The following RGS6 variants were observed in gnomAD, a reference collection of about 807,000 sequenced individuals.
RGS6 encodes the protein regulator of G-protein signaling 6.
Under a neutral mutation model 78.5 loss-of-function variants are expected in RGS6, and 30 were observed. That is an observed-to-expected ratio of 0.38 (90% CI 0.29 to 0.52). The LOEUF is 0.52. Ranked by LOEUF, RGS6 falls within the 20% of genes least tolerant of loss-of-function variation. The pLI is 0.85. For missense variants in RGS6, 495 were observed against 609.7 expected (o/e 0.81, Z 1.98); for synonymous variants, 206 against 206.0 (o/e 1.00, Z 0.00).
At chr14:72,301,721 A>G (rs1595530686) in intron 2 of RGS6, among the ~76,000 whole-genome samples, 1 of 152,088 alleles carries the variant, frequency 6.6e-6, no homozygotes, top group Admixed American at 6.5e-5. Flanking sequence ...TCCTTAGCAT[A>G]TGTTGTTGGC....
rs867252230 is a variant in RGS6, at chr14:71,982,174, G to T, written c.84+17299G>T. Among the ~76,000 whole-genome samples, 42 of 152,264 alleles carry T rather than the reference G, an allele frequency of 2.8e-4. 2 individuals carry two copies. The highest frequency in any genetic ancestry group is 9.4e-4 in the African/African-American group (39 of 41,582). ...GCATGGTGCGTGCACCCACTGACCT[G>T]CGCCCAGTGTCTGGCACTCCCTAGT... On this transcript the variant is annotated intron_variant, in intron 2 of 17. Coordinates refer to ENST00000553525, the MANE Select transcript of RGS6 (RefSeq NM_001204424.2).
At chr14:72,282,766 G>T (rs1394868890) in intron 2 of RGS6, among the ~76,000 whole-genome samples, 1 of 152,056 alleles carries the variant, frequency 6.6e-6, no homozygotes, top group Non-Finnish European at 1.5e-5. Context: ...GTTTTTGTTT[G>T]TTTGTGTGGT....
intron 2 of RGS6, among the ~76,000 whole-genome samples, chr14:72,022,802 T>C (rs2088976485): frequency 6.6e-6 from 1 of 152,234 alleles, no homozygotes; most frequent in Non-Finnish European, 1.5e-5. Flanking sequence ...CTTTCATGCC[T>C]GGACCGTACT....
At chr14:72,133,914 T>C (rs965737826) in intron 2 of RGS6, among the ~76,000 whole-genome samples, 2 of 152,178 alleles carry the variant, frequency 1.3e-5, no homozygotes, top group African/African-American at 2.4e-5. Flanking sequence ...AGTAATGTTA[T>C]GGTCTAGACT....
chr14:72,021,510 C>G (rs2088532357), intron 2 of RGS6, among the ~76,000 whole-genome samples: 1 of 144,886 alleles, frequency 6.9e-6, no homozygotes, highest in South Asian at 2.2e-4. Context: ...CTCTTGTCAC[C>G]TGGGCTGGAG....
chr14:71,952,958 G>T (rs2092465622), intron 1 of RGS6, among the ~76,000 whole-genome samples: 2 of 152,274 alleles, frequency 1.3e-5, no homozygotes, highest in South Asian at 4.1e-4. Context: ...TCCACTTCTT[G>T]TGTATAAAAA....
chr14:72,545,909 C>T (rs2097392227), intron 17 of RGS6, among the ~76,000 whole-genome samples: 1 of 151,766 alleles, frequency 6.6e-6, no homozygotes, highest in Non-Finnish European at 1.5e-5. Context: ...GGATGCCCAG[C>T]TGTGTGTGTG....
chr14:71,893,111 C>A, the RGS6 span, among the ~76,000 whole-genome samples: 1 of 152,176 alleles, frequency 6.6e-6, no homozygotes, highest in African/African-American at 2.4e-5. Flanking sequence ...TATTTATGTA[C>A]TCTAATCAGG....
At chr14:71,917,189 C>G in the RGS6 span, among the ~76,000 whole-genome samples, 1 of 152,126 alleles carries the variant, frequency 6.6e-6, no homozygotes, top group Non-Finnish European at 1.5e-5. Flanking sequence ...TGGCAATGAT[C>G]TTAGATACTT....
At chr14:72,029,330 C>T (rs183902788) in intron 2 of RGS6, among the ~76,000 whole-genome samples, 8 of 152,286 alleles carry the variant, frequency 5.3e-5, no homozygotes, top group Admixed American at 4.6e-4. Context: ...TGTCATTTGG[C>T]CACATAAGAA....
At chr14:72,137,761 C>T (rs2096468063) in intron 2 of RGS6, among the ~76,000 whole-genome samples, 1 of 152,202 alleles carries the variant, frequency 6.6e-6, no homozygotes, top group South Asian at 2.1e-4. Context: ...CCTTTGGGCA[C>T]ATGGATGACA....
At chr14:72,376,005 G>A in intron 3 of RGS6, among the ~76,000 whole-genome samples, 1 of 151,996 alleles carries the variant, frequency 6.6e-6, no homozygotes, top group Non-Finnish European at 1.5e-5. Flanking sequence ...TAATTCCCTA[G>A]TAATAAACCC....
chr14:71,891,781 A>G, the RGS6 span, among the ~76,000 whole-genome samples: 2 of 152,172 alleles, frequency 1.3e-5, no homozygotes, highest in African/African-American at 4.8e-5. Context: ...CTCTGTTAGT[A>G]TCTGGATATC....
At chr14:71,957,745 C>T (rs2092899756) in intron 1 of RGS6, among the ~76,000 whole-genome samples, 1 of 152,050 alleles carries the variant, frequency 6.6e-6, no homozygotes, top group Non-Finnish European at 1.5e-5. Flanking sequence ...GAAACTTTAA[C>T]AGATGGAATG....
At position 72,368,201 on chromosome 14, in the gene RGS6, T is replaced by C. The variant is rs111573460; in HGVS notation, c.184+16007T>C. Among the ~76,000 whole-genome samples the C allele has an allele frequency of 2.5e-3, 380 of 152,260 alleles. 2 individuals are homozygous for C. Among genetic ancestry groups the C allele is most frequent in the African/African-American group, 8.9e-3 (368 of 41,546 alleles). On this transcript the variant is annotated intron_variant, in intron 3 of 17. Transcript: ENST00000553525. ...CAGTAGGCAGAAAATGGAAGGTGCA[T>C]GTGTGTGAACTGGGGATGGGGGGTG...
chr14:72,032,668 T>C (rs1338741752), intron 2 of RGS6, among the ~76,000 whole-genome samples: 1 of 152,184 alleles, frequency 6.6e-6, no homozygotes. Context: ...AAATTTCGAC[T>C]ACTTAAGTAT....
intron 12 of RGS6, among the ~76,000 whole-genome samples, chr14:72,480,502 C>T (rs1463404774): frequency 6.6e-6 from 1 of 152,188 alleles, no homozygotes; most frequent in African/African-American, 2.4e-5. Context: ...TCATGAGTCT[C>T]TGCCCGGCAG....
intron 2 of RGS6, among the ~76,000 whole-genome samples, chr14:72,312,044 A>C (rs563653352): frequency 6.6e-6 from 1 of 152,314 alleles, no homozygotes; most frequent in South Asian, 2.1e-4. Context: ...CTTGGGTAAC[A>C]TGTGGTGCCC....
chr14:72,265,541 G>C (rs564010105), intron 2 of RGS6, among the ~76,000 whole-genome samples: 4 of 152,072 alleles, frequency 2.6e-5, no homozygotes, highest in Admixed American at 6.6e-5. Context: ...TAGTAGTGAC[G>C]TTGCTAGAGG....
Sources: allele counts gnomAD v4.1 joint callset (sites outside exome capture counted in the v4.1 genomes callset), GRCh38; gene constraint gnomAD v4.1.1; transcripts MANE v1.5; gene names NCBI Gene and HGNC (gene_info 2026-07-23, HGNC 2026-07-21).